The following NLRP13 variants were observed in gnomAD, a reference collection of about 807,000 sequenced individuals.
NLRP13 encodes NLR family pyrin domain containing 13, also known as NACHT, LRR and PYD domains-containing protein 13.
NLRP13 carries 82 observed loss-of-function variants against 94.4 expected under a neutral mutation model. The observed-to-expected ratio is 0.87, with a 90% CI of 0.73 to 1.04. The LOEUF (loss-of-function observed/expected upper bound fraction) is 1.04, where lower values mean the gene tolerates loss of function less well. NLRP13 is among the 50% of genes least tolerant of loss of function. NLRP13 has a pLI of 0.00. For missense variants in NLRP13, 1,426 were observed against 1,230.8 expected, an observed-to-expected ratio of 1.16 and a Z score of -2.37; for synonymous variants, 553 against 464.7, an observed-to-expected ratio of 1.19 and a Z score of -2.45.
At chr19:55,895,213 G>T (rs370041214), downstream of NLRP13, among the ~76,000 whole-genome samples, 1 of 92,454 alleles carries the variant, frequency 1.1e-5, no homozygotes, top group Non-Finnish European at 2.1e-5. Flanking sequence ...AAAAAAAAAA[G>T]AAAGAAAAGA....
intron 4 of NLRP13, among the ~76,000 whole-genome samples, chr19:55,915,463 T>C (rs925449419): frequency 6.6e-6 from 1 of 151,958 alleles, no homozygotes; most frequent in Non-Finnish European, 1.5e-5. Flanking sequence ...CCAGGCATGG[T>C]GGCACGCGCC....
rs774916357 is a variant in NLRP13 at position 55,905,484 on chromosome 19, T to TAC, written c.2448-374_2448-373dup. On this transcript the variant is annotated intron_variant, in intron 7 of 10. Transcript: ENST00000342929. ...ATACACACATATATACATATATATA[T>TAC]ACACACATATATACATATATATCTG... Among the ~76,000 whole-genome samples, 320 of 150,882 alleles carry TAC rather than the reference T, an allele frequency of 2.1e-3. 2 individuals are homozygous for TAC. The highest frequency in any genetic ancestry group is 7.3e-3 in the African/African-American group (299 of 41,166).
At chr19:55,925,304 C>G (rs891762416) in intron 1 of NLRP13, among the ~76,000 whole-genome samples, 2 of 152,240 alleles carry the variant, frequency 1.3e-5, no homozygotes, top group Non-Finnish European at 2.9e-5. Context: ...GCTTAGCTCA[C>G]TCTCAAGGCT....
At position 55,907,899 on chromosome 19, in the gene NLRP13, A is replaced by G. The variant is rs1986398892; in HGVS notation, c.2340T>C (p.Gly780=). The change falls in exon 7 of 11, where the codon GGT becomes GGC. Residue 780 remains glycine, a synonymous_variant. Transcript: ENST00000342929. ...AGTTCAGATGGGTCAGCTTGCTGTT[A>G]CCCTGAAGGGCAATAATGAGGTCCT... ...VLQDLIIALQ[G]NSKLTHLNFS... 1.2e-6 allele frequency: 2 copies of G among 1,613,292 alleles called. No homozygotes were observed. Among genetic ancestry groups the G allele is most frequent in the South Asian group, 2.2e-5 (2 of 90,968 alleles).
At chr19:55,930,412 A>T (rs535660912) in intron 1 of NLRP13, among the ~76,000 whole-genome samples, 1 of 152,188 alleles carries the variant, frequency 6.6e-6, no homozygotes, top group Non-Finnish European at 1.5e-5. Flanking sequence ...ATAGCCAGGC[A>T]TGGTGGCTCA....
At chr19:55,909,367 T>C (rs1481399546) in intron 6 of NLRP13, among the ~76,000 whole-genome samples, 3 of 152,242 alleles carry the variant, frequency 2.0e-5, no homozygotes. Flanking sequence ...TGCTCACCTT[T>C]ATTTTAAGAG....
chr19:55,913,453 G>C (rs1430207980), intron 4 of NLRP13, among the ~76,000 whole-genome samples, 160 bp from the exon 5 acceptor site: 1 of 150,076 alleles, frequency 6.7e-6, no homozygotes, highest in East Asian at 2.0e-4. Context: ...AGGAGGCTGA[G>C]GTAGGAGAAT....
At chr19:55,927,916 G>A (rs542148826) in intron 1 of NLRP13, among the ~76,000 whole-genome samples, 6 of 152,104 alleles carry the variant, frequency 3.9e-5, no homozygotes, top group African/African-American at 1.4e-4. Flanking sequence ...AAGACAGTAC[G>A]TGGGTCCCTG....
At chr19:55,929,977 G>A (rs923203778) in intron 1 of NLRP13, among the ~76,000 whole-genome samples, 1 of 152,136 alleles carries the variant, frequency 6.6e-6, no homozygotes, top group Non-Finnish European at 1.5e-5. Flanking sequence ...CCAAACAAGA[G>A]TATCTGAGGG....
At chr19:55,905,604 G>A (rs1179018573) in intron 7 of NLRP13, among the ~76,000 whole-genome samples, 1 of 151,990 alleles carries the variant, frequency 6.6e-6, no homozygotes, top group Non-Finnish European at 1.5e-5. Flanking sequence ...GGTGAGCCAA[G>A]AGTGCGCCAC....
chr19:55,924,608 C>G lies in NLRP13; in HGVS notation c.439G>C (p.Glu147Gln). 1 of 1,612,758 alleles carries G rather than the reference C, an allele frequency of 6.2e-7. No individual in the cohort carries two copies. The highest frequency in any genetic ancestry group is 8.5e-7 in the Non-Finnish European group (1 of 1,179,124). Residue 147 changes from glutamate (E) to glutamine (Q), a missense_variant, in exon 3 of 11, where the codon GAG becomes CAG. Glu to Gln is a conservative substitution (Grantham distance 29, BLOSUM62 2). Coordinates refer to ENST00000342929, the MANE Select transcript of NLRP13 (RefSeq NM_176810.2). Reference protein sequence around the residue: ...CQDPNQEELDELEEETGNVQA... With the variant: ...CQDPNQEELDQLEEETGNVQA... ...TACACACCTGTTTCTTCTTCTAGCTCGTCTAGTTCTTCTTGGTTTGGATCT... is the reference window on the plus strand; with the variant it reads ...TACACACCTGTTTCTTCTTCTAGCTGGTCTAGTTCTTCTTGGTTTGGATCT...
chr19:55,915,542 A>G (rs1305922774), intron 4 of NLRP13, among the ~76,000 whole-genome samples: 3 of 152,238 alleles, frequency 2.0e-5, no homozygotes, highest in Admixed American at 6.5e-5. Context: ...AGGTTGCAGC[A>G]GGCCAAGATC....
Position 55,924,657 on chromosome 19 carries a change from C to T in NLRP13, c.390G>A (p.Gly130=). The T allele has an allele frequency of 6.2e-7, 1 of 1,612,502 alleles. No homozygotes were observed. Among genetic ancestry groups the T allele is most frequent in the Admixed American group, 1.7e-5 (1 of 59,966 alleles). The change falls in exon 3 of 11, where the codon GGG becomes GGA. Residue 130 remains glycine (G), a splice_region_variant and synonymous_variant. Transcript: ENST00000342929. ...EDLEMLEAAA[G]NMQTQGCQDP... is the part of the protein sequence containing the mutation. ...CTTGGCATCCCTGGGTCTGCATATT[C>T]CCTGAAATAAACATTGACGATGAGA...
chr19:55,910,731 G>T lies in NLRP13; in HGVS notation c.2114C>A (p.Thr705Lys). 1 of 1,606,250 alleles carries T rather than the reference G, an allele frequency of 6.2e-7. No individual in the cohort carries two copies. Among genetic ancestry groups the T allele is most frequent in the South Asian group, 1.1e-5 (1 of 90,566 alleles). ...GTGCATCCTGGAATCAAACTTGCTT[G>T]TCCTTCATGAGGGAGAGACAGAACA... ...ILERDLEILE[T>K]SKFDSRMHAW... Residue 705 changes from threonine (T) to lysine (K), a missense_variant and splice_region_variant, in exon 6 of 11, where the codon ACA becomes AAA. Thr to Lys is a moderately conservative substitution (Grantham distance 78, BLOSUM62 -1). Transcript: ENST00000342929.
Position 55,912,245 on chromosome 19 carries a change from C to A in NLRP13, c.1572G>T (p.Lys524Asn). 6.2e-7 allele frequency: 1 copy of A among 1,614,144 alleles called. No individual in the cohort carries two copies. The highest frequency in any genetic ancestry group is 8.5e-7 in the Non-Finnish European group (1 of 1,180,014). ...TAGTGCAACCCCCACAGTCATTGAT[C>A]TTTTGAAGAATATTGAACTCGTAGA... ...DSLYEFNILQKINDCGGCTTF... is the reference protein window; with the variant it reads ...DSLYEFNILQNINDCGGCTTF... The change falls in exon 5 of 11, where the codon AAG becomes AAT. Residue 524 changes from lysine to asparagine, a missense_variant. Lys to Asn is a moderately conservative substitution (Grantham distance 94). Coordinates refer to ENST00000342929, the MANE Select transcript of NLRP13 (RefSeq NM_176810.2).
At chr19:55,917,995 A>C (rs562971476) in intron 4 of NLRP13, among the ~76,000 whole-genome samples, 238 of 152,186 alleles carry the variant, frequency 1.6e-3, no homozygotes, top group African/African-American at 5.7e-3. Flanking sequence ...TCCTTGAAAT[A>C]GACCGTATGT....
intron 8 of NLRP13, among the ~76,000 whole-genome samples, chr19:55,903,180 A>G (rs931649154): frequency 1.3e-5 from 2 of 152,166 alleles, no homozygotes; most frequent in African/African-American, 4.8e-5. Flanking sequence ...ACATTGTATC[A>G]TGATCATACA....
At chr19:55,910,447 A>T in intron 6 of NLRP13, 116 bp downstream of exon 6, 1 of 978,558 alleles carries the variant, frequency 1.0e-6, no homozygotes, top group Non-Finnish European at 1.5e-6. Context: ...AGTTTATTTT[A>T]TCCTCCTGAG....
At chr19:55,908,280 A>C (rs1178880293) in intron 6 of NLRP13, among the ~76,000 whole-genome samples, 1 of 152,164 alleles carries the variant, frequency 6.6e-6, no homozygotes, top group African/African-American at 2.4e-5. Context: ...ATATACACAT[A>C]CAATCCAACC....
Sources: allele counts gnomAD v4.1 joint callset (sites outside exome capture counted in the v4.1 genomes callset), GRCh38; gene constraint gnomAD v4.1.1; transcripts MANE v1.5; gene names NCBI Gene and HGNC (gene_info 2026-07-23, HGNC 2026-07-21).